The following VPS39 variants were observed in gnomAD, a reference collection of about 807,000 sequenced individuals.
VPS39 encodes the protein VPS39 subunit of HOPS complex.
In VPS39, 70 loss-of-function variants were observed where a neutral mutation model predicts 121.0. The ratio of observed to expected loss-of-function variants is 0.58; its 90% CI spans 0.48 to 0.71. The LOEUF is 0.71. VPS39 is among the 30% of genes least tolerant of loss of function. VPS39 has a pLI of 0.00. For synonymous variants in VPS39, 378 were observed against 398.1 expected (o/e 0.95, Z 0.60); for missense variants, 818 against 1,051.5 (o/e 0.78, Z 3.07).
chr15:42,179,291 C>T (rs1167555587), intron 8 of VPS39, among the ~76,000 whole-genome samples: 2 of 151,932 alleles, frequency 1.3e-5, no homozygotes, highest in Non-Finnish European at 2.9e-5. Flanking sequence ...GGGGAAAGGC[C>T]GGGTGCAGTG....
In VPS39 at chr15:42,167,394, A is replaced by G. The variant is rs747241758; in HGVS notation, c.1377T>C (p.His459=). ...GCACCCGAGCGCTCAGGTAACTCAC[A>G]TGGAGATAGCACTTGAGCAGGGTGG... ...IDTTLLKCYL[H]TNVALVAPLL... Residue 459 remains histidine (H), a splice_region_variant and synonymous_variant, in exon 13 of 25, where the codon CAT becomes CAC. Coordinates refer to ENST00000318006, the MANE Select transcript of VPS39 (RefSeq NM_015289.5). 8 of 1,614,016 alleles carry G rather than the reference A, an allele frequency of 5.0e-6. No individual in the cohort carries two copies. Among genetic ancestry groups the G allele is most frequent in the Non-Finnish European group, 6.8e-6 (8 of 1,180,004 alleles).
At chr15:42,165,134 T>C (rs1396840057) in intron 17 of VPS39, 21 bp from the exon 18 acceptor site, 1 of 1,609,658 alleles carries the variant, frequency 6.2e-7, no homozygotes. Context: ...ATGTAGGTCT[T>C]TGTCACTGGT....
intron 11 of VPS39, among the ~76,000 whole-genome samples, chr15:42,170,701 T>C (rs1258012047): frequency 1.3e-5 from 2 of 149,302 alleles, no homozygotes; most frequent in East Asian, 4.0e-4. Context: ...ACATTTTCCT[T>C]CTGCCTTAGA....
chr15:42,184,935 G>C (rs921609060), intron 7 of VPS39, among the ~76,000 whole-genome samples: 3 of 152,248 alleles, frequency 2.0e-5, no homozygotes, highest in Admixed American at 1.3e-4. Flanking sequence ...TGGCAAGAAT[G>C]CAGAGCAACT....
intron 10 of VPS39, 31 bp downstream of exon 10, chr15:42,178,187 G>C: frequency 6.2e-7 from 1 of 1,613,068 alleles, no homozygotes; most frequent in Non-Finnish European, 8.5e-7. Flanking sequence ...AGAACAATAA[G>C]GAAGGAAGAC....
chr15:42,191,814 C>T (rs2049833624), intron 2 of VPS39, among the ~76,000 whole-genome samples: 1 of 152,166 alleles, frequency 6.6e-6, no homozygotes, highest in South Asian at 2.1e-4. Context: ...TTCACTGAAG[C>T]GGCAAGGTAC....
chr15:42,177,968 C>T (rs1468941232), intron 10 of VPS39, among the ~76,000 whole-genome samples: 1 of 152,210 alleles, frequency 6.6e-6, no homozygotes, highest in Admixed American at 6.5e-5. Flanking sequence ...CTCCCGGACT[C>T]TCACCTTAAT....
Position 42,170,741 on chromosome 15 carries a change from A to ATTTTTTTTTTT in VPS39, c.1091-886_1091-876dup, listed in dbSNP as rs869280235. Among the ~76,000 whole-genome samples the ATTTTTTTTTTT allele has an allele frequency of 7.1e-4, 36 of 50,482 alleles. 13 individuals carry two copies. The highest frequency in any genetic ancestry group is 1.1e-3 in the Non-Finnish European group (31 of 28,632). 33.1% of individuals were successfully genotyped at this position (50,482 alleles called of 152,430 possible). ...ATGGTGTTCTCACAGATGCTCGCAG[A>ATTTTTTTTTTT]TTTTTTTTTTTTTTTTTTTTTTTTT... On this transcript the variant is annotated intron_variant, in intron 11 of 24. Coordinates refer to ENST00000318006, the MANE Select transcript of VPS39 (RefSeq NM_015289.5).
At chr15:42,200,021 A>C in intron 1 of VPS39, 60 bp from the exon 2 acceptor site, 1 of 1,506,658 alleles carries the variant, frequency 6.6e-7, no homozygotes, top group Non-Finnish European at 8.8e-7. Context: ...GAGAAAGGTC[A>C]ATCAGCTTGA....
At chr15:42,201,276 A>G (rs755204956) in intron 1 of VPS39, among the ~76,000 whole-genome samples, 3 of 152,120 alleles carry the variant, frequency 2.0e-5, no homozygotes, top group Non-Finnish European at 4.4e-5. Flanking sequence ...CCCTAGCTCA[A>G]GTGATCCTCC....
At chr15:42,185,774 G>A (rs2049688920) in intron 7 of VPS39, among the ~76,000 whole-genome samples, 1 of 152,206 alleles carries the variant, frequency 6.6e-6, no homozygotes, top group African/African-American at 2.4e-5. Flanking sequence ...ATTTTGGGGG[G>A]TGATGGTAGT....
At chr15:42,186,862 A>G (rs2049714099) in intron 7 of VPS39, among the ~76,000 whole-genome samples, 1 of 152,242 alleles carries the variant, frequency 6.6e-6, no homozygotes, top group African/African-American at 2.4e-5. Context: ...CTTTTAGTAC[A>G]AACATACAAA....
At chr15:42,204,140 TG>T (rs2050120724) in intron 1 of VPS39, among the ~76,000 whole-genome samples, 1 of 152,280 alleles carries the variant, frequency 6.6e-6, no homozygotes, top group East Asian at 1.9e-4. Flanking sequence ...GGCCCAATGC[TG>T]GCCACTGCAG....
Position 42,159,250 on chromosome 15 carries a change from C to T in VPS39, c.*1504G>A, listed in dbSNP as rs1281571985. 6.6e-6 allele frequency: 1 copy of T among 152,316 alleles called. No individual in the cohort carries two copies. Among genetic ancestry groups the T allele is most frequent in the Non-Finnish European group, 1.5e-5 (1 of 68,114 alleles). The allele number at this position is 152,316 out of a possible 1,614,324, so 9.4% of individuals were successfully genotyped here. ...GACGGCATGCCTGGGGAAGCCTAGT[C>T]TACTTACCATCAGCACGTTGATCTG... On this transcript the variant is annotated 3_prime_UTR_variant, in exon 25 of 25. Transcript: ENST00000318006.
intron 5 of VPS39, 43 bp downstream of exon 5, chr15:42,189,071 T>A (rs10163030): frequency 7.1e-7 from 1 of 1,405,564 alleles, no homozygotes; most frequent in Non-Finnish European, 1.0e-6. Flanking sequence ...AAAGACTGTA[T>A]TGATTAAAGC....
chr15:42,200,759 A>G (rs1206632548), intron 1 of VPS39, among the ~76,000 whole-genome samples: 1 of 152,250 alleles, frequency 6.6e-6, no homozygotes, highest in African/African-American at 2.4e-5. Context: ...ACAAATGTTC[A>G]CAGCAGTATT....
At chr15:42,162,634 G>A in intron 21 of VPS39, 153 bp from the exon 22 acceptor site, 2 of 848,662 alleles carry the variant, frequency 2.4e-6, no homozygotes, top group Non-Finnish European at 3.3e-6. Context: ...AAATTGGTAA[G>A]GTCAAACAGG....
intron 8 of VPS39, chr15:42,178,835 C>T (rs1289573502): frequency 2.7e-6 from 1 of 376,754 alleles, no homozygotes; most frequent in Non-Finnish European, 4.9e-6. Flanking sequence ...GACACTGCCT[C>T]AACAAAAACA....
intron 13 of VPS39, 45 bp from the exon 14 acceptor site, chr15:42,166,958 C>G (rs375914789): frequency 5.6e-6 from 9 of 1,610,044 alleles, no homozygotes; most frequent in Non-Finnish European, 5.9e-6. Flanking sequence ...TCCTGGGGAG[C>G]CCCACCCTTC....
Sources: allele counts gnomAD v4.1 joint callset (sites outside exome capture counted in the v4.1 genomes callset), GRCh38; gene constraint gnomAD v4.1.1; transcripts MANE v1.5; gene names NCBI Gene and HGNC (gene_info 2026-07-23, HGNC 2026-07-21).